MPP7: variants seen among roughly 807,000 people sequenced by gnomAD.
MPP7 encodes the protein MAGUK p55 subfamily member 7.
MPP7 carries 60 observed loss-of-function variants against 76.5 expected under a neutral mutation model. The ratio of observed to expected loss-of-function variants is 0.78; its 90% CI spans 0.64 to 0.97. MPP7 has a LOEUF of 0.97. Ranked by LOEUF, MPP7 falls within the 50% of genes least tolerant of loss-of-function variation. MPP7 has a pLI of 0.00. For missense variants in MPP7, 641 were observed against 694.0 expected, an observed-to-expected ratio of 0.92 and a Z score of 0.86; for synonymous variants, 237 against 244.5, an observed-to-expected ratio of 0.97 and a Z score of 0.29.
At chr10:28,262,197 A>G (rs1185243647) in intron 1 of MPP7, among the ~76,000 whole-genome samples, 1 of 27,144 alleles carries the variant, frequency 3.7e-5, no homozygotes, top group Non-Finnish European at 9.9e-5. Context: ...ATATATATAT[A>G]TATATATATA....
intron 1 of MPP7, among the ~76,000 whole-genome samples, chr10:28,260,066 T>G (rs1238883359): frequency 6.6e-6 from 1 of 152,154 alleles, no homozygotes; most frequent in Non-Finnish European, 1.5e-5. Flanking sequence ...TGCATGTCCA[T>G]ACTTAGGAAA....
intron 3 of MPP7, among the ~76,000 whole-genome samples, chr10:28,193,812 T>C (rs1330582868): frequency 6.6e-6 from 1 of 151,866 alleles, no homozygotes; most frequent in Non-Finnish European, 1.5e-5. Context: ...AAGATATGCT[T>C]AACCTACCAT....
At chr10:28,116,706 T>C (rs777065730) in intron 11 of MPP7, among the ~76,000 whole-genome samples, 46 of 152,104 alleles carry the variant, frequency 3.0e-4, no homozygotes, top group Non-Finnish European at 5.6e-4. Context: ...ACTTAAGACT[T>C]AGAAATATTT....
rs371794069 is a variant in MPP7 at position 28,293,141 on chromosome 10, C to T, written c.-132+9720G>A. 8.7e-5 allele frequency among the ~76,000 whole-genome samples: 13 copies of T among 149,888 alleles called. 2 individuals are homozygous for T. Among genetic ancestry groups the T allele is most frequent in the African/African-American group, 2.5e-4 (10 of 40,786 alleles). On this transcript the variant is annotated intron_variant, in intron 1 of 16. Coordinates refer to ENST00000683449, the MANE Select transcript of MPP7 (RefSeq NM_001318170.2). Reference sequence around the variant, plus strand: ...TCTGACAGGTGAAAAACAAAAGATGCGTATACCATTTAAAATCCAACGAGA... The same window carrying T: ...TCTGACAGGTGAAAAACAAAAGATGTGTATACCATTTAAAATCCAACGAGA...
chr10:28,178,070 G>A (rs1277091396), intron 3 of MPP7, among the ~76,000 whole-genome samples: 1 of 152,096 alleles, frequency 6.6e-6, no homozygotes, highest in Non-Finnish European at 1.5e-5. Context: ...CTTTCCCTCT[G>A]AAGCAGAGTT....
At chr10:28,095,400 C>T (rs1331078556) in intron 11 of MPP7, among the ~76,000 whole-genome samples, 1 of 152,016 alleles carries the variant, frequency 6.6e-6, no homozygotes, top group Non-Finnish European at 1.5e-5. Flanking sequence ...CCCCATACTC[C>T]TAACGGCAAT....
At chr10:28,115,763 C>G (rs1834647863) in intron 11 of MPP7, among the ~76,000 whole-genome samples, 1 of 152,156 alleles carries the variant, frequency 6.6e-6, no homozygotes, top group Non-Finnish European at 1.5e-5. Context: ...AAATGTTTGC[C>G]TTTGAATGAA....
chr10:28,278,703 T>C (rs964750674), intron 1 of MPP7, among the ~76,000 whole-genome samples: 1 of 151,502 alleles, frequency 6.6e-6, no homozygotes, highest in African/African-American at 2.4e-5. Context: ...TAGAAAAAGA[T>C]AAAAGGATAT....
intron 11 of MPP7, among the ~76,000 whole-genome samples, chr10:28,090,118 G>A (rs943928905): frequency 6.6e-6 from 1 of 151,880 alleles, no homozygotes; most frequent in Non-Finnish European, 1.5e-5. Context: ...ACATCACCAC[G>A]GCTGGTTAAT....
chr10:28,119,107 T>G, intron 11 of MPP7: 1 of 967,274 alleles, frequency 1.0e-6, no homozygotes, highest in Non-Finnish European at 1.2e-6. Flanking sequence ...AGTTTTTCAG[T>G]AGTCATACGG....
intron 5 of MPP7, among the ~76,000 whole-genome samples, chr10:28,138,835 C>T (rs1422721274): frequency 6.6e-6 from 1 of 152,152 alleles, no homozygotes; most frequent in African/African-American, 2.4e-5. Flanking sequence ...ACAAAGAAGG[C>T]TATAATGGAA....
At chr10:28,254,004 G>GAAAAA (rs199511617) in intron 1 of MPP7, among the ~76,000 whole-genome samples, 4 of 92,314 alleles carry the variant, frequency 4.3e-5, no homozygotes, top group Non-Finnish European at 8.2e-5. Flanking sequence ...TCACAAAAAA[G>GAAAAA]AAAAAAAAAA....
chr10:28,190,377 C>T (rs1394063439), intron 3 of MPP7, among the ~76,000 whole-genome samples: 10 of 152,162 alleles, frequency 6.6e-5, no homozygotes, highest in Non-Finnish European at 1.3e-4. Context: ...GCAGTATACA[C>T]ATTCTTCTCA....
chr10:28,124,131 A>G lies in MPP7; in HGVS notation c.530-15T>C, dbSNP rs1258358783. The G allele has an allele frequency of 1.3e-6, 2 of 1,559,090 alleles. No individual in the cohort carries two copies. The highest frequency in any genetic ancestry group is 1.8e-6 in the Non-Finnish European group (2 of 1,130,656). The stretch of plus-strand genomic sequence containing the variant: ...ATGAATAAGACCTGAGAAATAGGAG[A>G]TTTGGTAAATTAGCAGTGTTACCCA... On this transcript the variant is annotated splice_polypyrimidine_tract_variant and intron_variant, in intron 7 of 16. Transcript: ENST00000683449.
At position 28,103,703 on chromosome 10, in the gene MPP7, A is replaced by T. The variant is rs1853940651; in HGVS notation, c.953-13862T>A. 2.0e-5 allele frequency among the ~76,000 whole-genome samples: 3 copies of T among 148,498 alleles called. 1 individual carries two copies. The South Asian group carries it at 6.9e-4, about 34-fold the overall frequency. On this transcript the variant is annotated intron_variant, in intron 11 of 16. Transcript: ENST00000683449. ...TTGTTTTGATTTCTGTTGAAACTCC[A>T]GTGCCCAGAACAGCATCTAGAATGT...
chr10:28,119,109 G>A (rs1327148511), intron 11 of MPP7: 1 of 961,810 alleles, frequency 1.0e-6, no homozygotes. Context: ...TTTTTCAGTA[G>A]TCATACGGTA....
At chr10:28,130,265 A>G (rs574459732) in intron 6 of MPP7, among the ~76,000 whole-genome samples, 69 of 152,298 alleles carry the variant, frequency 4.5e-4, no homozygotes, top group African/African-American at 1.6e-3. Context: ...TGATGTTCAA[A>G]AACACTTGCA....
intron 2 of MPP7, among the ~76,000 whole-genome samples, chr10:28,206,775 T>C (rs1402083157): frequency 6.6e-6 from 1 of 152,190 alleles, no homozygotes; most frequent in Admixed American, 6.5e-5. Context: ...CGGTTTTTCA[T>C]TTGTCCTGTA....
At chr10:28,066,423 G>A (rs1303324263) in intron 13 of MPP7, among the ~76,000 whole-genome samples, 3 of 152,120 alleles carry the variant, frequency 2.0e-5, no homozygotes, top group Non-Finnish European at 4.4e-5. Context: ...AAATTCACAA[G>A]TAGTTACAAA....
Sources: allele counts gnomAD v4.1 joint callset (sites outside exome capture counted in the v4.1 genomes callset), GRCh38; gene constraint gnomAD v4.1.1; transcripts MANE v1.5; gene names NCBI Gene and HGNC (gene_info 2026-07-23, HGNC 2026-07-21).